CNBD1: variants seen among roughly 807,000 people sequenced by gnomAD.
CNBD1 encodes cyclic nucleotide binding domain containing 1, also known as cyclic nucleotide-binding domain-containing protein 1.
A neutral mutation model predicts 54.4 loss-of-function variants in CNBD1; 71 were observed. The ratio of observed to expected loss-of-function variants is 1.30; its 90% confidence interval spans 1.08 to 1.59. The LOEUF (loss-of-function observed/expected upper bound fraction) is 1.59, where lower values mean the gene tolerates loss of function less well. Among genes scored for constraint, CNBD1 ranks in the 40% most tolerant of loss-of-function variants. CNBD1 has a pLI of 0.00. For missense variants in CNBD1, 659 were observed against 518.0 expected, an observed-to-expected ratio of 1.27 and a Z score of -2.64; for synonymous variants, 182 against 170.7, an observed-to-expected ratio of 1.07 and a Z score of -0.51.
intron 4 of CNBD1, among the ~76,000 whole-genome samples, chr8:87,025,988 T>G (rs1809636604): frequency 6.6e-6 from 1 of 152,206 alleles, no homozygotes; most frequent in Admixed American, 6.5e-5. Flanking sequence ...ACAGGAAACA[T>G]TTTCTAAATT....
At chr8:87,252,692 A>G (rs1563524683) in intron 6 of CNBD1, among the ~76,000 whole-genome samples, 1 of 152,158 alleles carries the variant, frequency 6.6e-6, no homozygotes, top group Non-Finnish European at 1.5e-5. Flanking sequence ...TCCAAAACTC[A>G]GAGGGATTTT....
chr8:86,927,404 G>A (rs1384690947), intron 3 of CNBD1, among the ~76,000 whole-genome samples: 6 of 152,070 alleles, frequency 3.9e-5, no homozygotes, highest in Non-Finnish European at 8.8e-5. Flanking sequence ...TGTTAAACAG[G>A]GAGAAGGTGA....
chr8:87,346,348 C>T lies in CNBD1; in HGVS notation c.1043-5337C>T, dbSNP rs1228240568. 4.6e-5 allele frequency among the ~76,000 whole-genome samples: 7 copies of T among 152,054 alleles called. No individual in the cohort carries two copies. The East Asian group carries it at 5.8e-4, about 13-fold the overall frequency. On this transcript the variant is annotated intron_variant, in intron 8 of 10. Coordinates refer to ENST00000518476, the MANE Select transcript of CNBD1 (RefSeq NM_173538.3). ...TGAGCCACCGTGCCTGGCCATTATA[C>T]TTAATTTTCTTCATAAAATTTGAGA...
At chr8:87,046,550 A>T (rs1173425613) in intron 4 of CNBD1, among the ~76,000 whole-genome samples, 1 of 152,194 alleles carries the variant, frequency 6.6e-6, no homozygotes, top group African/African-American at 2.4e-5. Flanking sequence ...ATTAGGTGTA[A>T]CCAGGAACCA....
chr8:86,948,519 A>G (rs544361357), intron 4 of CNBD1, among the ~76,000 whole-genome samples: 2 of 152,236 alleles, frequency 1.3e-5, no homozygotes, highest in East Asian at 3.9e-4. Context: ...ATGATTTTGA[A>G]CATCTTTTCA....
intron 4 of CNBD1, among the ~76,000 whole-genome samples, chr8:87,160,940 G>A (rs558354013): frequency 1.1e-4 from 17 of 151,994 alleles, no homozygotes; most frequent in Non-Finnish European, 2.4e-4. Flanking sequence ...CAAACATCTC[G>A]TGTTAAGGAA....
chr8:87,369,428 C>T (rs948631103), intron 10 of CNBD1, among the ~76,000 whole-genome samples: 1 of 152,010 alleles, frequency 6.6e-6, no homozygotes, highest in African/African-American at 2.4e-5. Flanking sequence ...TCATGTGGAA[C>T]TGAATTACCA....
chr8:87,410,599 A>G (rs536245656), intron 2 of CNBD1, among the ~76,000 whole-genome samples: 2 of 152,174 alleles, frequency 1.3e-5, no homozygotes, highest in Non-Finnish European at 2.9e-5. Context: ...AAAATTTAGA[A>G]TATTACATAA....
At chr8:86,955,086 T>C (rs1323503487) in intron 4 of CNBD1, among the ~76,000 whole-genome samples, 1 of 151,738 alleles carries the variant, frequency 6.6e-6, no homozygotes, top group Non-Finnish European at 1.5e-5. Flanking sequence ...ATGCGGTGTT[T>C]GGTGTTCTGT....
At chr8:87,377,215 A>G (rs1802731482) in intron 10 of CNBD1, among the ~76,000 whole-genome samples, 1 of 151,288 alleles carries the variant, frequency 6.6e-6, no homozygotes, top group Admixed American at 6.6e-5. Flanking sequence ...GGTTAGTTAC[A>G]TATGTATACA....
In CNBD1 at chr8:87,351,830, A is replaced by G. The variant is rs369661293; in HGVS notation, c.1152+36A>G. 5.7e-6 allele frequency: 8 copies of G among 1,413,572 alleles called. 1 individual carries two copies. In the South Asian group the frequency reaches 9.4e-5, roughly 17 times the overall value. The allele number at this position is 1,413,572 out of a possible 1,614,324, so 87.6% of individuals were successfully genotyped here. A position where few individuals can be genotyped will look rare whatever the true frequency, so the allele number is the denominator to read the frequency against. On this transcript the variant is annotated intron_variant, in intron 9 of 10. Coordinates refer to ENST00000518476, the MANE Select transcript of CNBD1 (RefSeq NM_173538.3). ...AACATGTATTCTTTTTAATCAATTA[A>G]TCTACTCTAAAGAATAGTGTCAGAT... is the stretch of plus-strand genomic sequence containing the variant.
intron 2 of CNBD1, among the ~76,000 whole-genome samples, chr8:87,403,790 A>G (rs1346369741): frequency 1.3e-5 from 2 of 151,968 alleles, no homozygotes; most frequent in African/African-American, 4.8e-5. Context: ...TGTGTTTTTT[A>G]TATGCTTCAA....
At chr8:87,284,653 T>G (rs371747072) in intron 6 of CNBD1, 25 bp from the exon 7 acceptor site, 1 of 1,581,320 alleles carries the variant, frequency 6.3e-7, no homozygotes, top group South Asian at 1.2e-5. Context: ...TAATAAACAT[T>G]AAATTGTCTC....
At chr8:87,010,968 G>A (rs1208119881) in intron 4 of CNBD1, among the ~76,000 whole-genome samples, 1 of 152,222 alleles carries the variant, frequency 6.6e-6, no homozygotes, top group South Asian at 2.1e-4. Context: ...AGTGTGAAAT[G>A]TTATAGAGAT....
chr8:87,270,985 A>G (rs932530791), intron 6 of CNBD1, among the ~76,000 whole-genome samples: 2 of 151,434 alleles, frequency 1.3e-5, no homozygotes, highest in African/African-American at 2.4e-5. Context: ...CTATTTCTTC[A>G]TGGTTCTATC....
chr8:87,235,216 G>A (rs1563518349), intron 5 of CNBD1, among the ~76,000 whole-genome samples: 1 of 152,126 alleles, frequency 6.6e-6, no homozygotes. Context: ...TCTCAGTATA[G>A]CAATGAGGCT....
At chr8:87,364,604 G>C (rs919937801) in intron 10 of CNBD1, among the ~76,000 whole-genome samples, 1 of 151,692 alleles carries the variant, frequency 6.6e-6, no homozygotes, top group Non-Finnish European at 1.5e-5. Context: ...ATCAAGCCTA[G>C]TTCCCATTAG....
In CNBD1 at chr8:87,279,743, A is replaced by G. The variant is rs113935483; in HGVS notation, c.772-4935A>G. Reference sequence around the variant, plus strand: ...ATTTTTATATATATGTATAAATATAACTAAATATGTGTAGTGAAACCACAG... The same window carrying G: ...ATTTTTATATATATGTATAAATATAGCTAAATATGTGTAGTGAAACCACAG... On this transcript the variant is annotated intron_variant, in intron 6 of 10. Transcript: ENST00000518476. 8.4e-4 allele frequency among the ~76,000 whole-genome samples: 127 copies of G among 151,258 alleles called. 1 individual carries two copies. Among genetic ancestry groups the G allele is most frequent in the African/African-American group, 3.0e-3 (125 of 41,440 alleles).
At chr8:87,317,622 T>G (rs888854007) in intron 8 of CNBD1, among the ~76,000 whole-genome samples, 1 of 151,946 alleles carries the variant, frequency 6.6e-6, no homozygotes, top group Admixed American at 6.6e-5. Flanking sequence ...TTTGTATTAT[T>G]TGAATTGCCT....
Sources: gnomAD v4.1 joint callset for allele counts (sites outside exome capture counted in the v4.1 genomes callset) on GRCh38, gnomAD v4.1.1 for gene constraint, MANE v1.5 for transcripts, NCBI Gene and HGNC (gene_info 2026-07-23, HGNC 2026-07-21) for gene names.